CACNA2D1: variants seen among roughly 807,000 people sequenced by gnomAD.
CACNA2D1 encodes the protein calcium voltage-gated channel auxiliary subunit alpha2delta 1, also known as voltage-dependent calcium channel subunit alpha-2/delta-1.
In CACNA2D1, 53 loss-of-function variants were observed where a neutral mutation model predicts 171.5. The observed-to-expected ratio is 0.31, with a 90% CI of 0.25 to 0.39. The LOEUF is 0.39. Ranked by LOEUF, CACNA2D1 falls within the 10% of genes least tolerant of loss-of-function variation. The probability of loss-of-function intolerance (pLI) is 1.00; values close to 1 mark genes in which losing one functional copy is unlikely to be tolerated. For missense variants in CACNA2D1, 903 were observed against 1,299.8 expected (o/e 0.69, Z 4.69); for synonymous variants, 442 against 443.1 (o/e 1.00, Z 0.03).
In CACNA2D1 at chr7:81,948,189, C is replaced by G. The variant is rs556327522; in HGVS notation, c.*2203G>C. On this transcript the variant is annotated 3_prime_UTR_variant, in exon 39 of 39. Transcript: ENST00000356860. ...AACTAACAATTTTATATTTTGATAC[C>G]CCCTTCCCAACACTATCATGATTTA... The G allele has an allele frequency of 6.6e-6, 1 of 151,366 alleles. No homozygotes were observed. Among genetic ancestry groups the G allele is most frequent in the Non-Finnish European group, 1.5e-5 (1 of 67,690 alleles). 9.4% of individuals were successfully genotyped at this position (151,366 alleles called of 1,614,324 possible).
intron 7 of CACNA2D1, among the ~76,000 whole-genome samples, chr7:82,075,886 A>G (rs1808904000): frequency 6.6e-6 from 1 of 152,220 alleles, no homozygotes. Flanking sequence ...AAGAAAAAAG[A>G]AACAGATTGA....
In CACNA2D1 at chr7:81,962,511, A is replaced by T. The variant is rs554617855; in HGVS notation, c.2781-16T>A. On this transcript the variant is annotated splice_polypyrimidine_tract_variant and intron_variant, in intron 34 of 38. Coordinates refer to ENST00000356860, the MANE Select transcript of CACNA2D1 (RefSeq NM_000722.4). ...TAGAATAGACCTGAATTTTTCAAAT[A>T]AAAAAAAAATAAACATCTAGGGAAA... The T allele has an allele frequency of 2.2e-5, 27 of 1,232,618 alleles. No individual in the cohort carries two copies. Among genetic ancestry groups the T allele is most frequent in the Non-Finnish European group, 1.7e-5 (15 of 881,186 alleles). The allele number at this position is 1,232,618 out of a possible 1,614,324, so 76.4% of individuals were successfully genotyped here.
chr7:82,274,840 T>C (rs1379680871), intron 3 of CACNA2D1, among the ~76,000 whole-genome samples: 2 of 139,326 alleles, frequency 1.4e-5, no homozygotes, highest in Admixed American at 7.4e-5. Flanking sequence ...TAAATATGTG[T>C]TCAATACAGG....
intron 3 of CACNA2D1, among the ~76,000 whole-genome samples, chr7:82,317,929 C>T (rs1048744819): frequency 4.0e-5 from 6 of 151,438 alleles, no homozygotes; most frequent in African/African-American, 4.9e-5. Context: ...GCTCTTTGTA[C>T]TATACTAGAT....
At chr7:82,030,054 A>G (rs1762690293) in intron 12 of CACNA2D1, 2 of 151,860 alleles carry the variant, frequency 1.3e-5, no homozygotes, top group Admixed American at 1.3e-4. Flanking sequence ...GTTTTATAAA[A>G]GTACATGTGA....
intron 3 of CACNA2D1, among the ~76,000 whole-genome samples, chr7:82,283,814 T>C (rs1000458781): frequency 6.6e-6 from 1 of 152,100 alleles, no homozygotes; most frequent in Non-Finnish European, 1.5e-5. Flanking sequence ...TTAGCAGATA[T>C]ATAATTTTTT....
intron 3 of CACNA2D1, among the ~76,000 whole-genome samples, chr7:82,277,581 T>C (rs1303035722): frequency 6.6e-6 from 1 of 152,138 alleles, no homozygotes; most frequent in African/African-American, 2.4e-5. Flanking sequence ...ATGAATGTGA[T>C]TGCCTTAGTA....
chr7:82,308,040 T>A (rs1328400803), intron 3 of CACNA2D1, among the ~76,000 whole-genome samples: 1 of 152,214 alleles, frequency 6.6e-6, no homozygotes, highest in Non-Finnish European at 1.5e-5. Context: ...AACGCCATCC[T>A]AATTGTATGT....
intron 3 of CACNA2D1, among the ~76,000 whole-genome samples, chr7:82,192,174 C>T (rs557265641): frequency 2.0e-5 from 3 of 150,454 alleles, no homozygotes; most frequent in Admixed American, 1.3e-4. Context: ...AAAAAAAAAA[C>T]CTAAATAGAA....
chr7:82,285,093 C>T (rs1230066724), intron 3 of CACNA2D1, among the ~76,000 whole-genome samples: 1 of 152,104 alleles, frequency 6.6e-6, no homozygotes, highest in Non-Finnish European at 1.5e-5. Context: ...ACCCCCAGTG[C>T]TGCTTAATCA....
intron 1 of CACNA2D1, among the ~76,000 whole-genome samples, chr7:82,429,658 T>C (rs2129458567): frequency 6.6e-6 from 1 of 152,264 alleles, no homozygotes; most frequent in Non-Finnish European, 1.5e-5. Context: ...CCTCATATAA[T>C]TATCACGCAT....
chr7:82,157,093 A>T (rs771969893), intron 4 of CACNA2D1, among the ~76,000 whole-genome samples: 2 of 152,116 alleles, frequency 1.3e-5, no homozygotes, highest in African/African-American at 2.4e-5. Flanking sequence ...TTCTAAATTC[A>T]CAAAGCTTGC....
chr7:82,095,897 G>C (rs532965709), intron 6 of CACNA2D1, among the ~76,000 whole-genome samples: 2 of 152,070 alleles, frequency 1.3e-5, no homozygotes, highest in South Asian at 4.1e-4. Flanking sequence ...TTCAAGTTCT[G>C]TGATAAAATC....
At chr7:82,208,691 A>G (rs1800254844) in intron 3 of CACNA2D1, among the ~76,000 whole-genome samples, 1 of 152,126 alleles carries the variant, frequency 6.6e-6, no homozygotes, top group Admixed American at 6.6e-5. Flanking sequence ...ATCAAATTTT[A>G]TCAGTTTATA....
At chr7:82,277,130 G>A (rs1004820249) in intron 3 of CACNA2D1, among the ~76,000 whole-genome samples, 1 of 152,098 alleles carries the variant, frequency 6.6e-6, no homozygotes, top group Non-Finnish European at 1.5e-5. Context: ...CAATGGTTTT[G>A]TTGGACAGAC....
At position 82,101,873 on chromosome 7, in the gene CACNA2D1, G is replaced by A. The variant is rs73151573; in HGVS notation, c.526+15171C>T. Among the ~76,000 whole-genome samples the A allele has an allele frequency of 7.7e-3, 1,178 of 152,252 alleles. 8 individuals are homozygous for A. Among genetic ancestry groups the A allele is most frequent in the Non-Finnish European group, 0.012 (794 of 67,994 alleles). On this transcript the variant is annotated intron_variant, in intron 6 of 38. Transcript: ENST00000356860. ...TTATTTTTGTCATAAATTAAGTGGT[G>A]TAACTGTATCAGTAGGAAAGGTTAA... is the stretch of plus-strand genomic sequence containing the variant.
At position 82,005,701 on chromosome 7, in the gene CACNA2D1, C is replaced by A. The variant is rs189518909; in HGVS notation, c.1515+64G>T. On this transcript the variant is annotated intron_variant, in intron 17 of 38. Coordinates refer to ENST00000356860, the MANE Select transcript of CACNA2D1 (RefSeq NM_000722.4). ...ATAATTTTTGAGAATTACCTAAGTG[C>A]CAAGCTAAGTTAGTACAGAGTTCTA... 40 of 1,146,256 alleles carry A rather than the reference C, an allele frequency of 3.5e-5. No homozygotes were observed. In the Admixed American group the frequency reaches 4.6e-4, roughly 13 times the overall value. The allele number at this position is 1,146,256 out of a possible 1,614,324, so 71.0% of individuals were successfully genotyped here.
chr7:82,029,200 A>T (rs1442012902), intron 12 of CACNA2D1: 1 of 151,732 alleles, frequency 6.6e-6, no homozygotes, highest in African/African-American at 2.4e-5. Flanking sequence ...CAAAAATACA[A>T]AGACTTGCTG....
chr7:82,013,528 G>GT lies in CACNA2D1; in HGVS notation c.1223-19dup, dbSNP rs1413652104. The GT allele has an allele frequency of 2.3e-6, 2 of 873,206 alleles. No individual in the cohort carries two copies. Among genetic ancestry groups the GT allele is most frequent in the African/African-American group, 3.5e-5 (2 of 56,802 alleles). The allele number at this position is 873,206 out of a possible 1,614,324, so 54.1% of individuals were successfully genotyped here. ...ATAATAACCTGAAATATACATATATGTTTTTATACATAAATGTTACTTTAT... is the reference window on the plus strand; with the variant it reads ...ATAATAACCTGAAATATACATATATGTTTTTTATACATAAATGTTACTTTAT... On this transcript the variant is annotated intron_variant, in intron 13 of 38. Transcript: ENST00000356860.
Sources: allele counts gnomAD v4.1 joint callset (sites outside exome capture counted in the v4.1 genomes callset), GRCh38; gene constraint gnomAD v4.1.1; transcripts MANE v1.5; gene names NCBI Gene and HGNC (gene_info 2026-07-23, HGNC 2026-07-21).